The following PRDM5 variants were observed in gnomAD, a reference collection of about 807,000 sequenced individuals.
The protein encoded by PRDM5 is PR/SET domain 5.
PRDM5 carries 56 observed loss-of-function variants against 81.2 expected under a neutral mutation model. The observed-to-expected ratio is 0.69, with a 90% CI of 0.56 to 0.86. The LOEUF (loss-of-function observed/expected upper bound fraction) is 0.86, where lower values mean the gene tolerates loss of function less well. Ranked by LOEUF, PRDM5 falls within the 40% of genes least tolerant of loss-of-function variation. The probability of loss-of-function intolerance (pLI) is 0.00; values close to 1 mark genes in which losing one functional copy is unlikely to be tolerated. For synonymous variants in PRDM5, 267 were observed against 256.4 expected (o/e 1.04, Z -0.39); for missense variants, 697 against 770.1 (o/e 0.91, Z 1.12).
At chr4:120,816,777 T>C in intron 6 of PRDM5, 55 bp downstream of exon 6, 5 of 1,545,600 alleles carry the variant, frequency 3.2e-6, no homozygotes, top group Non-Finnish European at 4.5e-6. Context: ...AAAGTATGCA[T>C]GCAAAAAATG....
intron 14 of PRDM5, among the ~76,000 whole-genome samples, chr4:120,716,509 C>T (rs550941970): frequency 6.6e-6 from 1 of 152,256 alleles, no homozygotes; most frequent in East Asian, 1.9e-4. Context: ...GTTAGTCTGG[C>T]AAGAAAGGCT....
chr4:120,770,359 A>G (rs1209754027), intron 13 of PRDM5, among the ~76,000 whole-genome samples: 1 of 152,156 alleles, frequency 6.6e-6, no homozygotes, highest in Non-Finnish European at 1.5e-5. Flanking sequence ...AAAATTTCAA[A>G]CATGAGGAAA....
rs139677880 is a variant in PRDM5, at chr4:120,892,206, T to C, written c.177+15268A>G. 2.8e-4 allele frequency among the ~76,000 whole-genome samples: 43 copies of C among 152,260 alleles called. No homozygotes were observed. The East Asian group carries it at 6.2e-3, about 22-fold the overall frequency. On this transcript the variant is annotated intron_variant, in intron 2 of 15. Coordinates refer to ENST00000264808, the MANE Select transcript of PRDM5 (RefSeq NM_018699.4). ...TATGATTTTAGGGTTTTTTTTTCTT[T>C]TTTAATTTGCTGAGGATTGTTTTAT...
At chr4:120,822,791 G>T (rs754374405) in intron 3 of PRDM5, among the ~76,000 whole-genome samples, 1 of 152,132 alleles carries the variant, frequency 6.6e-6, no homozygotes, top group African/African-American at 2.4e-5. Context: ...TGGAAGGAAG[G>T]CTTGATTCAA....
chr4:120,849,291 G>A lies in PRDM5; in HGVS notation c.300+4127C>T, dbSNP rs537960278. ...CAGCTCTGTCATATTTAAATTTCAC[G>A]TGTCGCCAGAGAAGACCCCAGGATA... On this transcript the variant is annotated intron_variant, in intron 3 of 15. Transcript: ENST00000264808. Among the ~76,000 whole-genome samples the A allele has an allele frequency of 7.2e-5, 11 of 152,212 alleles. No individual in the cohort carries two copies. In the East Asian group the frequency reaches 9.6e-4, roughly 13 times the overall value.
intron 8 of PRDM5, among the ~76,000 whole-genome samples, chr4:120,806,264 C>T (rs930995262): frequency 2.0e-5 from 3 of 152,124 alleles, no homozygotes; most frequent in African/African-American, 7.2e-5. Context: ...GTGAAAATGG[C>T]CATACTGCCC....
intron 14 of PRDM5, among the ~76,000 whole-genome samples, chr4:120,719,118 T>G (rs975748818): frequency 2.6e-5 from 4 of 152,186 alleles, no homozygotes; most frequent in African/African-American, 9.7e-5. Flanking sequence ...AAGGGCCAGA[T>G]AATTCTTTGG....
chr4:120,718,126 T>C lies in PRDM5; in HGVS notation c.1624-7713A>G, dbSNP rs186354941. On this transcript the variant is annotated intron_variant, in intron 14 of 15. Transcript: ENST00000264808. ...ACACTAGCTCCTCTGTGGTTATATC[T>C]TCTGTGAATGCACTAGGGATACACC... Among the ~76,000 whole-genome samples, 306 of 152,352 alleles carry C rather than the reference T, an allele frequency of 2.0e-3. 1 individual carries two copies. The highest frequency in any genetic ancestry group is 7.0e-3 in the African/African-American group (291 of 41,592).
intron 14 of PRDM5, among the ~76,000 whole-genome samples, chr4:120,742,747 C>G (rs998732426): frequency 6.6e-6 from 1 of 151,926 alleles, no homozygotes; most frequent in Non-Finnish European, 1.5e-5. Context: ...TAAAAAGAAA[C>G]GAGCAAAGCC....
At chr4:120,783,638 C>T (rs1749354942) in intron 11 of PRDM5, among the ~76,000 whole-genome samples, 1 of 152,078 alleles carries the variant, frequency 6.6e-6, no homozygotes, top group Admixed American at 6.6e-5. Context: ...TTTTCTAAAT[C>T]AAACTGGTAA....
chr4:120,776,252 T>C (rs1748139533), intron 13 of PRDM5, among the ~76,000 whole-genome samples: 1 of 143,620 alleles, frequency 7.0e-6, no homozygotes, highest in Non-Finnish European at 1.6e-5. Context: ...TGACCATATG[T>C]CTTTAAGTTT....
chr4:120,918,224 C>T lies in PRDM5; in HGVS notation c.93+4292G>A, dbSNP rs149603506. Reference sequence around the variant, plus strand: ...TTTAATAACACCAGGAAATACAAAGCTGCCTTGAGTCACTATGGAGAAGTG... The same window carrying T: ...TTTAATAACACCAGGAAATACAAAGTTGCCTTGAGTCACTATGGAGAAGTG... On this transcript the variant is annotated intron_variant, in intron 1 of 15. Transcript: ENST00000264808. 3.3e-3 allele frequency among the ~76,000 whole-genome samples: 495 copies of T among 152,284 alleles called. 4 individuals are homozygous for T. The highest frequency in any genetic ancestry group is 0.01 in the African/African-American group (416 of 41,556).
chr4:120,801,397 C>T (rs1752099078), intron 8 of PRDM5, among the ~76,000 whole-genome samples: 1 of 152,198 alleles, frequency 6.6e-6, no homozygotes, highest in Non-Finnish European at 1.5e-5. Flanking sequence ...CTGACAGATC[C>T]CAGGCCTGCA....
chr4:120,863,173 A>T (rs372476072), intron 2 of PRDM5, among the ~76,000 whole-genome samples: 25 of 62,136 alleles, frequency 4.0e-4, no homozygotes, highest in African/African-American at 5.7e-4. Flanking sequence ...AAAAAAAAAA[A>T]AAATATATAT....
intron 13 of PRDM5, chr4:120,762,648 C>T (rs892846107): frequency 2.6e-5 from 4 of 152,044 alleles, no homozygotes; most frequent in African/African-American, 9.7e-5. Context: ...AGAAGTACAC[C>T]ATAGAGAGAA....
intron 1 of PRDM5, among the ~76,000 whole-genome samples, chr4:120,908,226 T>C (rs925245984): frequency 6.6e-6 from 1 of 152,222 alleles, no homozygotes; most frequent in Admixed American, 6.5e-5. Context: ...TTTAAGGACA[T>C]GTTCAATGGG....
intron 13 of PRDM5, among the ~76,000 whole-genome samples, chr4:120,766,036 T>G (rs1746336743): frequency 6.6e-6 from 1 of 151,606 alleles, no homozygotes; most frequent in African/African-American, 2.4e-5. Context: ...CTCAGCTCAC[T>G]GCAACCTCCA....
chr4:120,854,519 C>T (rs939526202), intron 2 of PRDM5, among the ~76,000 whole-genome samples: 11 of 151,994 alleles, frequency 7.2e-5, no homozygotes, highest in Non-Finnish European at 1.5e-4. Flanking sequence ...AAATAAAAGA[C>T]AATCAGTCCA....
chr4:120,707,156 C>T (rs780511816), intron 15 of PRDM5, among the ~76,000 whole-genome samples: 44 of 151,938 alleles, frequency 2.9e-4, no homozygotes, highest in Non-Finnish European at 5.2e-4. Flanking sequence ...AATTCAGATG[C>T]AAAAATCCTA....
Sources: gnomAD v4.1 joint callset for allele counts (sites outside exome capture counted in the v4.1 genomes callset) on GRCh38, gnomAD v4.1.1 for gene constraint, MANE v1.5 for transcripts, NCBI Gene and HGNC (gene_info 2026-07-23, HGNC 2026-07-21) for gene names.